AP1S3: variants seen among roughly 807,000 people sequenced by gnomAD.
AP1S3 encodes adaptor related protein complex 1 subunit sigma 3, also known as AP-1 complex subunit sigma-3.
In AP1S3, 10 loss-of-function variants were observed where a neutral mutation model predicts 20.9. The observed-to-expected ratio is 0.48, with a 90% CI of 0.29 to 0.81. AP1S3 has a LOEUF of 0.81. Ranked by LOEUF, AP1S3 falls within the 30% of genes least tolerant of loss-of-function variation. The probability of loss-of-function intolerance (pLI) is 0.08; values close to 1 mark genes in which losing one functional copy is unlikely to be tolerated. For synonymous variants in AP1S3, 41 were observed against 61.5 expected (o/e 0.67, Z 1.56); for missense variants, 154 against 183.8 (o/e 0.84, Z 0.94).
At chr2:223,833,506 C>G (rs1692325015) in intron 1 of AP1S3, among the ~76,000 whole-genome samples, 1 of 152,194 alleles carries the variant, frequency 6.6e-6, no homozygotes, top group Admixed American at 6.5e-5. Flanking sequence ...GATATGAAAT[C>G]TCTGTGCCAG....
chr2:223,837,476 C>A lies in AP1S3; in HGVS notation c.-26G>T. ...CGTGGCTGGGCCGCCGCCTCCCCCG[C>A]CTTGCGAGCAAGGAGCGCTGGAGAA... On this transcript the variant is annotated 5_prime_UTR_variant, in exon 1 of 5. Coordinates refer to ENST00000396654, the MANE Select transcript of AP1S3 (RefSeq NM_001039569.2). 4.7e-6 allele frequency: 6 copies of A among 1,286,004 alleles called. No individual in the cohort carries two copies. The highest frequency in any genetic ancestry group is 9.9e-7 in the Non-Finnish European group (1 of 1,014,648). The allele number at this position is 1,286,004 out of a possible 1,614,324, so 79.7% of individuals were successfully genotyped here. A position where few individuals can be genotyped will look rare whatever the true frequency, so the allele number is the denominator to read the frequency against.
chr2:223,760,102 T>C (rs191666929), intron 4 of AP1S3, among the ~76,000 whole-genome samples: 83 of 152,296 alleles, frequency 5.4e-4, no homozygotes, highest in Non-Finnish European at 9.6e-4. Context: ...TTCTATACCA[T>C]GCAAGACAGA....
At chr2:223,772,632 T>C in intron 3 of AP1S3, among the ~76,000 whole-genome samples, 1 of 151,924 alleles carries the variant, frequency 6.6e-6, no homozygotes, top group Non-Finnish European at 1.5e-5. Context: ...TCCTCGTAAA[T>C]CTCCTTGGAA....
At chr2:223,762,493 G>A (rs1019576627) in intron 4 of AP1S3, among the ~76,000 whole-genome samples, 2 of 151,962 alleles carry the variant, frequency 1.3e-5, no homozygotes, top group African/African-American at 2.4e-5. Context: ...GGCTGGCCTC[G>A]AACTCGTGGC....
chr2:223,810,382 CA>C (rs1691696599), intron 1 of AP1S3, among the ~76,000 whole-genome samples: 1 of 152,068 alleles, frequency 6.6e-6, no homozygotes, highest in South Asian at 2.1e-4. Flanking sequence ...GCACAATCAC[CA>C]CTCACTATAG....
chr2:223,818,422 C>CA (rs202075838), intron 1 of AP1S3, among the ~76,000 whole-genome samples: 2,092 of 141,508 alleles, frequency 0.015, 51 homozygotes, highest in African/African-American at 0.049. Flanking sequence ...GACTCCATCT[C>CA]AAAAAAAAAA....
At chr2:223,794,240 T>C (rs1443625757) in intron 1 of AP1S3, among the ~76,000 whole-genome samples, 41 of 152,140 alleles carry the variant, frequency 2.7e-4, no homozygotes, top group Non-Finnish European at 4.4e-5. Context: ...GGAGAATTGC[T>C]TTGGCTTTTC....
At chr2:223,808,508 A>G (rs1226119493) in intron 1 of AP1S3, among the ~76,000 whole-genome samples, 1 of 152,200 alleles carries the variant, frequency 6.6e-6, no homozygotes, top group African/African-American at 2.4e-5. Context: ...TTTATGTTAG[A>G]AAGTTGCAGA....
At chr2:223,803,879 C>CAA (rs530429797) in intron 1 of AP1S3, among the ~76,000 whole-genome samples, 7 of 72,136 alleles carry the variant, frequency 9.7e-5, no homozygotes, top group African/African-American at 1.7e-4. Flanking sequence ...GACTCCGTCT[C>CAA]AAAAAAAAAA....
intron 1 of AP1S3, among the ~76,000 whole-genome samples, chr2:223,812,028 G>A (rs1430231160): frequency 1.3e-5 from 2 of 152,132 alleles, no homozygotes; most frequent in African/African-American, 4.8e-5. Flanking sequence ...TTATCCACAA[G>A]GCAATGATAA....
chr2:223,803,306 T>C (rs1478243315), intron 1 of AP1S3, among the ~76,000 whole-genome samples: 1 of 152,228 alleles, frequency 6.6e-6, no homozygotes, highest in African/African-American at 2.4e-5. Flanking sequence ...TTTTAACTTA[T>C]ATGCAAGATG....
chr2:223,834,863 G>A (rs1692359577), intron 1 of AP1S3, among the ~76,000 whole-genome samples: 1 of 151,922 alleles, frequency 6.6e-6, no homozygotes, highest in Middle Eastern at 3.2e-3. Context: ...AAAAAAATTA[G>A]TGAAAAGCAT....
intron 1 of AP1S3, among the ~76,000 whole-genome samples, chr2:223,795,113 G>A (rs753182019): frequency 6.6e-6 from 1 of 152,148 alleles, no homozygotes; most frequent in Admixed American, 6.6e-5. Context: ...GCCGGGCGTG[G>A]TGGCACATGC....
chr2:223,830,138 T>A lies in AP1S3; in HGVS notation c.3+7310A>T, dbSNP rs75836937. Among the ~76,000 whole-genome samples, 439 of 152,186 alleles carry A rather than the reference T, an allele frequency of 2.9e-3. 3 individuals carry two copies. The highest frequency in any genetic ancestry group is 5.1e-3 in the Non-Finnish European group (345 of 68,016). On this transcript the variant is annotated intron_variant, in intron 1 of 4. Coordinates refer to ENST00000396654, the MANE Select transcript of AP1S3 (RefSeq NM_001039569.2). ...CAATATATGTCTTAGGGTTTGTATG[T>A]ATGAATTTTGCATCCGGGAGCCAAA...
chr2:223,767,506 C>T (rs913317066), intron 3 of AP1S3, among the ~76,000 whole-genome samples: 7 of 151,876 alleles, frequency 4.6e-5, no homozygotes, highest in Non-Finnish European at 1.0e-4. Flanking sequence ...CATCCATCTT[C>T]TGCTTGAATA....
chr2:223,773,269 T>A, intron 3 of AP1S3: 2 of 1,296,322 alleles, frequency 1.5e-6, no homozygotes, highest in Non-Finnish European at 2.0e-6. Context: ...CAAGCCGGAG[T>A]TCAGAAATGA....
At chr2:223,760,930 T>C (rs1381900683) in intron 4 of AP1S3, among the ~76,000 whole-genome samples, 1 of 152,170 alleles carries the variant, frequency 6.6e-6, no homozygotes, top group Non-Finnish European at 1.5e-5. Flanking sequence ...AGGCCCTGCC[T>C]GTAGCCTCGG....
At chr2:223,763,235 C>A (rs1264439441) in intron 4 of AP1S3, among the ~76,000 whole-genome samples, 5 of 152,228 alleles carry the variant, frequency 3.3e-5, no homozygotes, top group African/African-American at 4.8e-5. Flanking sequence ...AGCCCCTCCA[C>A]TCATTCACCA....
At chr2:223,802,549 G>A (rs760709020) in intron 1 of AP1S3, among the ~76,000 whole-genome samples, 2 of 151,820 alleles carry the variant, frequency 1.3e-5, no homozygotes, top group Non-Finnish European at 2.9e-5. Flanking sequence ...AGGTGATCCG[G>A]CCACCTCAGC....
Sources: gnomAD v4.1 joint callset for allele counts (sites outside exome capture counted in the v4.1 genomes callset) on GRCh38, gnomAD v4.1.1 for gene constraint, MANE v1.5 for transcripts, NCBI Gene and HGNC (gene_info 2026-07-23, HGNC 2026-07-21) for gene names.